The following ADAM12 variants were observed in gnomAD, a reference collection of about 807,000 sequenced individuals.
ADAM12 encodes the protein disintegrin and metalloproteinase domain-containing protein 12.
Under a neutral mutation model 106.4 loss-of-function variants are expected in ADAM12, and 70 were observed. The ratio of observed to expected loss-of-function variants is 0.66; its 90% CI spans 0.54 to 0.80. The LOEUF is 0.80. ADAM12 is among the 30% of genes least tolerant of loss of function. The pLI, the probability that ADAM12 is intolerant of heterozygous loss-of-function variation, is 0.00. For synonymous variants in ADAM12, 420 were observed against 433.5 expected (o/e 0.97, Z 0.39); for missense variants, 1,010 against 1,171.9 (o/e 0.86, Z 2.02).
At chr10:126,040,946 C>T (rs1357538547) in intron 18 of ADAM12, among the ~76,000 whole-genome samples, 2 of 152,088 alleles carry the variant, frequency 1.3e-5, no homozygotes, top group African/African-American at 2.4e-5. Context: ...TCCTGTTGGC[C>T]CAGTCCGCAC....
chr10:126,361,084 C>T (rs370141594), intron 1 of ADAM12, among the ~76,000 whole-genome samples: 1 of 152,226 alleles, frequency 6.6e-6, no homozygotes, highest in African/African-American at 2.4e-5. Context: ...AAAGATCTGC[C>T]CCCATGATTC....
chr10:126,238,680 A>G (rs1183814994), intron 3 of ADAM12, among the ~76,000 whole-genome samples: 1 of 152,216 alleles, frequency 6.6e-6, no homozygotes, highest in Non-Finnish European at 1.5e-5. Flanking sequence ...ACACAAGAAC[A>G]TGGAATGTAA....
intron 3 of ADAM12, among the ~76,000 whole-genome samples, chr10:126,211,938 C>A (rs978478988): frequency 6.6e-6 from 1 of 152,184 alleles, no homozygotes; most frequent in Non-Finnish European, 1.5e-5. Flanking sequence ...ACAAATCTGT[C>A]CAAATAATAT....
intron 4 of ADAM12, among the ~76,000 whole-genome samples, chr10:126,151,477 T>C (rs1565097448): frequency 6.6e-6 from 1 of 152,182 alleles, no homozygotes; most frequent in Non-Finnish European, 1.5e-5. Context: ...GTCAGAAGTA[T>C]TTTTAAAATA....
chr10:126,165,303 G>T (rs1199162946), intron 3 of ADAM12, among the ~76,000 whole-genome samples: 1 of 152,166 alleles, frequency 6.6e-6, no homozygotes, highest in Non-Finnish European at 1.5e-5. Context: ...GAGTAGCTGG[G>T]ATTACAGGCA....
intron 17 of ADAM12, among the ~76,000 whole-genome samples, chr10:126,044,377 A>T (rs988528940): frequency 6.6e-6 from 1 of 152,218 alleles, no homozygotes; most frequent in Non-Finnish European, 1.5e-5. Context: ...ATTAGGAATG[A>T]GTGGGACTAC....
chr10:126,250,035 A>C (rs4246189), intron 3 of ADAM12, among the ~76,000 whole-genome samples: 143,116 of 152,136 alleles, frequency 0.94, 67,934 homozygotes, highest in East Asian at 1. Flanking sequence ...GAAAAGGAGT[A>C]AGCAAAAATC....
intron 5 of ADAM12, among the ~76,000 whole-genome samples, chr10:126,133,354 G>A (rs1010487167): frequency 1.2e-4 from 19 of 152,072 alleles, no homozygotes; most frequent in African/African-American, 4.6e-4. Context: ...CCTTTCATGT[G>A]CTCACACCCC....
intron 5 of ADAM12, among the ~76,000 whole-genome samples, chr10:126,127,318 G>T (rs1956222122): frequency 6.6e-6 from 1 of 152,208 alleles, no homozygotes; most frequent in South Asian, 2.1e-4. Context: ...GGTCAAAGTG[G>T]CTTTACCGCC....
intron 1 of ADAM12, among the ~76,000 whole-genome samples, chr10:126,381,687 A>T (rs1856498942): frequency 6.6e-6 from 1 of 151,712 alleles, no homozygotes; most frequent in Admixed American, 6.6e-5. Flanking sequence ...TTTTTAGTAG[A>T]GATAGGATTT....
intron 11 of ADAM12, among the ~76,000 whole-genome samples, chr10:126,072,466 C>T (rs1320208343): frequency 6.6e-6 from 1 of 152,130 alleles, no homozygotes; most frequent in Non-Finnish European, 1.5e-5. Context: ...AGTATTCCTT[C>T]TTCATATCCT....
chr10:126,292,564 G>C (rs67318184), intron 2 of ADAM12, among the ~76,000 whole-genome samples: 8 of 152,084 alleles, frequency 5.3e-5, no homozygotes, highest in Admixed American at 3.9e-4. Context: ...AGCATCCCAG[G>C]CTCCTCCACC....
chr10:126,274,576 G>T (rs1348706963), intron 3 of ADAM12, among the ~76,000 whole-genome samples: 2 of 152,154 alleles, frequency 1.3e-5, no homozygotes, highest in African/African-American at 2.4e-5. Flanking sequence ...TCATAATCCA[G>T]ATTTTGCCGT....
intron 22 of ADAM12, 78 bp downstream of exon 22, chr10:126,019,617 G>T: frequency 6.4e-7 from 1 of 1,553,672 alleles, no homozygotes; most frequent in East Asian, 2.3e-5. Context: ...CTGCACCCCT[G>T]TCCTGGCTTG....
intron 3 of ADAM12, among the ~76,000 whole-genome samples, chr10:126,252,566 G>A (rs1255769360): frequency 6.6e-6 from 1 of 152,172 alleles, no homozygotes; most frequent in Non-Finnish European, 1.5e-5. Flanking sequence ...AGGAGAAGAT[G>A]AGTGTCCCAG....
intron 3 of ADAM12, among the ~76,000 whole-genome samples, chr10:126,214,344 G>A (rs1051472766): frequency 2.0e-5 from 3 of 152,182 alleles, no homozygotes; most frequent in Non-Finnish European, 2.9e-5. Flanking sequence ...GAGGGTAAGA[G>A]TTTCTACCCT....
chr10:126,026,274 A>C (rs1227918826), intron 21 of ADAM12, among the ~76,000 whole-genome samples: 1 of 152,224 alleles, frequency 6.6e-6, no homozygotes, highest in Non-Finnish European at 1.5e-5. Flanking sequence ...AGAGTTCAAT[A>C]AGAAGAGCTA....
intron 3 of ADAM12, among the ~76,000 whole-genome samples, chr10:126,201,972 G>A (rs900502825): frequency 6.6e-5 from 10 of 152,322 alleles, no homozygotes; most frequent in Non-Finnish European, 1.2e-4. Context: ...AAGAATGGGC[G>A]GGCCTTCTTT....
At chr10:126,081,213 G>C (rs563632896) in intron 11 of ADAM12, among the ~76,000 whole-genome samples, 50 of 152,230 alleles carry the variant, frequency 3.3e-4, no homozygotes, top group Non-Finnish European at 6.3e-4. Flanking sequence ...CTGTCTGAGT[G>C]CTGACGGCAG....
Sources: allele counts gnomAD v4.1 joint callset (sites outside exome capture counted in the v4.1 genomes callset), GRCh38; gene constraint gnomAD v4.1.1; transcripts MANE v1.5; gene names NCBI Gene and HGNC (gene_info 2026-07-23, HGNC 2026-07-21).